FBXW11: variants seen among roughly 807,000 people sequenced by gnomAD.
The protein encoded by FBXW11 is F-box and WD repeat domain containing 11, also known as F-box/WD repeat-containing protein 11.
In FBXW11, 19 loss-of-function variants were observed where a neutral mutation model predicts 77.6. The ratio of observed to expected loss-of-function variants is 0.24; its 90% CI spans 0.17 to 0.36. The LOEUF is 0.36. Among genes scored for constraint, FBXW11 ranks in the 10% least tolerant of loss-of-function variants. The pLI is 1.00. For synonymous variants in FBXW11, 235 were observed against 249.4 expected (o/e 0.94, Z 0.54); for missense variants, 334 against 704.2 (o/e 0.47, Z 5.95).
chr5:171,989,910 A>C (rs538357895), intron 1 of FBXW11, among the ~76,000 whole-genome samples: 1 of 152,232 alleles, frequency 6.6e-6, no homozygotes, highest in Non-Finnish European at 1.5e-5. Flanking sequence ...ATTATATATA[A>C]TGTGGTTGTA....
In FBXW11 at chr5:171,868,674, G is replaced by T. The variant is rs745356602; in HGVS notation, c.1653C>A (p.Thr551=). The change falls in exon 13 of 14, where the codon ACC becomes ACA. Residue 551 remains threonine (T), a synonymous_variant. Transcript: ENST00000517395. ...AAGTGTATGTTCTGGAGGGAGAACGGGTCTCATTCTGGGCACTGGGAGGCA... is the reference window on the plus strand; with the variant it reads ...AAGTGTATGTTCTGGAGGGAGAACGTGTCTCATTCTGGGCACTGGGAGGCA... ...LNVPPSAQNE[T]RSPSRTYTYI... is the part of the protein sequence containing the mutation. The T allele has an allele frequency of 9.9e-6, 16 of 1,613,578 alleles. No homozygotes were observed. The highest frequency in any genetic ancestry group is 1.3e-5 in the African/African-American group (1 of 74,856).
chr5:171,954,830 T>C (rs751646120), intron 2 of FBXW11, among the ~76,000 whole-genome samples: 19 of 152,288 alleles, frequency 1.2e-4, no homozygotes, highest in South Asian at 4.1e-4. Flanking sequence ...ACAAACCATA[T>C]ACCAGGTGTC....
At chr5:171,916,919 TTTG>T in intron 2 of FBXW11, among the ~76,000 whole-genome samples, 1 of 152,220 alleles carries the variant, frequency 6.6e-6, no homozygotes, top group African/African-American at 2.4e-5. Context: ...GTGGGGTTTT[TTTG>T]TTTTGTTTTG....
chr5:171,936,974 T>C (rs1762514473), intron 2 of FBXW11, among the ~76,000 whole-genome samples: 1 of 152,228 alleles, frequency 6.6e-6, no homozygotes, highest in Non-Finnish European at 1.5e-5. Flanking sequence ...TTTATAGAGC[T>C]TCTGGCCCAT....
intron 2 of FBXW11, among the ~76,000 whole-genome samples, chr5:171,945,165 A>C (rs1762943266): frequency 6.6e-6 from 1 of 152,234 alleles, no homozygotes; most frequent in Non-Finnish European, 1.5e-5. Context: ...AGCAACATAA[A>C]ATAACAGTGG....
chr5:171,914,440 C>G (rs1361324017), intron 2 of FBXW11, 35 bp from the exon 3 acceptor site: 13 of 1,520,134 alleles, frequency 8.6e-6, no homozygotes, highest in Non-Finnish European at 1.1e-5. Context: ...TGAATTATAC[C>G]AAGTTTTGCA....
intron 13 of FBXW11, among the ~76,000 whole-genome samples, chr5:171,867,394 A>G (rs1757466973): frequency 6.6e-6 from 1 of 152,092 alleles, no homozygotes; most frequent in Admixed American, 6.5e-5. Flanking sequence ...CATGAAAAAA[A>G]TTCTTTTAAT....
At chr5:171,968,000 T>C (rs546537810) in intron 1 of FBXW11, among the ~76,000 whole-genome samples, 1 of 152,024 alleles carries the variant, frequency 6.6e-6, no homozygotes, top group South Asian at 2.1e-4. Flanking sequence ...GGCCATACAA[T>C]TGACAGCTCA....
At chr5:171,887,791 G>A (rs1487489889) in intron 7 of FBXW11, among the ~76,000 whole-genome samples, 2 of 151,908 alleles carry the variant, frequency 1.3e-5, no homozygotes, top group African/African-American at 4.8e-5. Flanking sequence ...CCGAGTATCT[G>A]GGATTACAGG....
chr5:171,985,313 C>G (rs1765374565), intron 1 of FBXW11, among the ~76,000 whole-genome samples: 1 of 152,186 alleles, frequency 6.6e-6, no homozygotes, highest in African/African-American at 2.4e-5. Flanking sequence ...CCTCATACCT[C>G]CTCCAATCTA....
At position 171,868,618 on chromosome 5, in the gene FBXW11, G is replaced by A. The variant is rs766312829; in HGVS notation, c.*17C>T. 1.9e-6 allele frequency: 3 copies of A among 1,608,612 alleles called. No homozygotes were observed. Among genetic ancestry groups the A allele is most frequent in the Admixed American group, 1.7e-5 (1 of 59,436 alleles). On this transcript the variant is annotated 3_prime_UTR_variant, in exon 13 of 14. Coordinates refer to ENST00000517395, the MANE Select transcript of FBXW11 (RefSeq NM_001378974.1). Reference sequence around the variant, plus strand: ...GAGAGGATAGTACTCACCTGAAACGGGTGAAAGTGCAGACTGTTATCTAGA... The same window carrying A: ...GAGAGGATAGTACTCACCTGAAACGAGTGAAAGTGCAGACTGTTATCTAGA...
intron 7 of FBXW11, among the ~76,000 whole-genome samples, chr5:171,883,494 T>C (rs1037360921): frequency 6.6e-6 from 1 of 152,202 alleles, no homozygotes; most frequent in African/African-American, 2.4e-5. Flanking sequence ...AACCTGCACG[T>C]TGAGCACATG....
intron 2 of FBXW11, among the ~76,000 whole-genome samples, chr5:171,931,830 T>C (rs1394236644): frequency 1.0e-4 from 8 of 78,536 alleles, no homozygotes; most frequent in South Asian, 8.0e-4. Flanking sequence ...TCTCTCTCTC[T>C]CTCTCCCTCC....
rs541415783 is a variant in FBXW11 at position 171,936,492 on chromosome 5, T to A, written c.147+21105A>T. Among the ~76,000 whole-genome samples the A allele has an allele frequency of 2.7e-4, 35 of 131,992 alleles. 1 individual carries two copies. In the East Asian group the frequency reaches 7.4e-3, roughly 28 times the overall value. The allele number at this position is 131,992 out of a possible 152,430, so 86.6% of individuals were successfully genotyped here. On this transcript the variant is annotated intron_variant, in intron 2 of 13. Coordinates refer to ENST00000517395, the MANE Select transcript of FBXW11 (RefSeq NM_001378974.1). The stretch of plus-strand genomic sequence containing the variant: ...GCCTGGGCAACATAGTGAGAGCCTG[T>A]CTCACCAAAAAAAAAAAAAAAAACA...
intron 2 of FBXW11, among the ~76,000 whole-genome samples, chr5:171,929,108 G>A (rs1033430077): frequency 1.4e-5 from 2 of 147,036 alleles, no homozygotes; most frequent in African/African-American, 5.1e-5. Flanking sequence ...AGTGGCTCAA[G>A]TCTGTAATCC....
chr5:171,881,621 C>A (rs1758512842), intron 7 of FBXW11, among the ~76,000 whole-genome samples: 1 of 152,160 alleles, frequency 6.6e-6, no homozygotes, highest in African/African-American at 2.4e-5. Context: ...ATTCTCTCTT[C>A]TTCTATCTTC....
chr5:171,984,922 C>T (rs1294810883), intron 1 of FBXW11, among the ~76,000 whole-genome samples: 3 of 152,162 alleles, frequency 2.0e-5, no homozygotes, highest in African/African-American at 4.8e-5. Flanking sequence ...ATTACTACTG[C>T]CTTCCAAAAT....
intron 1 of FBXW11, among the ~76,000 whole-genome samples, chr5:171,968,417 A>G (rs1241876833): frequency 6.7e-6 from 1 of 148,748 alleles, no homozygotes; most frequent in African/African-American, 2.5e-5. Flanking sequence ...GAGATCAGCC[A>G]TTGCACTCCA....
intron 6 of FBXW11, 43 bp downstream of exon 6, chr5:171,898,960 AC>A: frequency 7.8e-7 from 1 of 1,278,910 alleles, no homozygotes; most frequent in South Asian, 1.3e-5. Context: ...AAAGTTGAGA[AC>A]AAGAAACAAA....
Sources: allele counts gnomAD v4.1 joint callset (sites outside exome capture counted in the v4.1 genomes callset), GRCh38; gene constraint gnomAD v4.1.1; transcripts MANE v1.5; gene names NCBI Gene and HGNC (gene_info 2026-07-23, HGNC 2026-07-21).